JAKMIP3: variants seen among roughly 807,000 people sequenced by gnomAD.
The protein encoded by JAKMIP3 is Janus kinase and microtubule interacting protein 3.
Under a neutral mutation model 118.5 loss-of-function variants are expected in JAKMIP3, and 58 were observed. That is an observed-to-expected ratio of 0.49 (90% CI 0.40 to 0.61). JAKMIP3 has a LOEUF of 0.61. JAKMIP3 is among the 20% of genes least tolerant of loss of function. JAKMIP3 has a pLI of 0.00. For missense variants in JAKMIP3, 950 were observed against 1,109.0 expected, an observed-to-expected ratio of 0.86 and a Z score of 2.04; for synonymous variants, 486 against 451.2, an observed-to-expected ratio of 1.08 and a Z score of -0.98.
At chr10:132,164,259 G>C (rs1236559637) in intron 20 of JAKMIP3, among the ~76,000 whole-genome samples, 2 of 152,214 alleles carry the variant, frequency 1.3e-5, no homozygotes, top group Non-Finnish European at 2.9e-5. Context: ...TTGGAGCTCG[G>C]ATGCTTGGGG....
intron 1 of JAKMIP3, among the ~76,000 whole-genome samples, chr10:132,040,887 T>C (rs1003673762): frequency 4.6e-5 from 7 of 152,154 alleles, no homozygotes; most frequent in African/African-American, 1.7e-4. Context: ...TCTTTATTGT[T>C]GTGATTTGAC....
intron 1 of JAKMIP3, among the ~76,000 whole-genome samples, chr10:132,098,159 C>T (rs148746438): frequency 0.029 from 4,349 of 151,798 alleles, 106 homozygotes; most frequent in South Asian, 0.13. Flanking sequence ...CCTCAGCCTC[C>T]CAGGGAGCTG....
At chr10:132,143,527 A>C (rs2053995150) in intron 11 of JAKMIP3, among the ~76,000 whole-genome samples, 1 of 149,420 alleles carries the variant, frequency 6.7e-6, no homozygotes, top group African/African-American at 2.4e-5. Context: ...TAGAGAGTAA[A>C]AATGTCCAAA....
intron 21 of JAKMIP3, among the ~76,000 whole-genome samples, chr10:132,166,758 C>T (rs11146223): frequency 1.9e-3 from 289 of 152,276 alleles, no homozygotes; most frequent in African/African-American, 6.4e-3. Flanking sequence ...CGCATCTGCC[C>T]GGTGCAGAGT....
Position 132,158,973 on chromosome 10 carries a change from G to A in JAKMIP3, c.2221-4236G>A, listed in dbSNP as rs1202887433. 9.0e-5 allele frequency among the ~76,000 whole-genome samples: 9 copies of A among 100,482 alleles called. 2 individuals carry two copies. The highest frequency in any genetic ancestry group is 2.1e-5 in the Non-Finnish European group (1 of 47,964). 65.9% of individuals were successfully genotyped at this position (100,482 alleles called of 152,430 possible). ...GGACCTCTCGCTGTGTGATGCTGGG[G>A]GGGATCTCTCGCTGTGTGATGCTGG... On this transcript the variant is annotated intron_variant, in intron 19 of 23. Transcript: ENST00000684848.
chr10:132,158,221 C>G (rs771191876), intron 19 of JAKMIP3, among the ~76,000 whole-genome samples: 2 of 152,114 alleles, frequency 1.3e-5, no homozygotes, highest in East Asian at 3.9e-4. Flanking sequence ...TCCACTGGGT[C>G]GGGAGAGTTG....
chr10:132,139,475 TGAGTGTGTGTGA>T (rs1373333476), intron 9 of JAKMIP3, among the ~76,000 whole-genome samples: 5 of 147,496 alleles, frequency 3.4e-5, no homozygotes, highest in Non-Finnish European at 7.6e-5. Context: ...TGTGTATGTG[TGAGTGTGTGTGA>T]GAGTATGTGA....
At chr10:132,108,946 T>TTATATACGCAAATGTATATATAAAG (rs1564907843) in intron 2 of JAKMIP3, among the ~76,000 whole-genome samples, 2 of 149,210 alleles carry the variant, frequency 1.3e-5, no homozygotes, top group African/African-American at 2.5e-5. Context: ...TATATATAAA[T>TTATATACGCAAATGTATATATAAAG]TATATACGCA....
At chr10:132,054,039 CAAAAAA>C (rs5789112) in intron 1 of JAKMIP3, among the ~76,000 whole-genome samples, 14,105 of 100,826 alleles carry the variant, frequency 0.14, 726 homozygotes, top group Middle Eastern at 0.23. Context: ...GACTCTGTCT[CAAAAAA>C]AAAAAAAAAA....
At chr10:132,086,950 T>G (rs1331172703) in intron 1 of JAKMIP3, among the ~76,000 whole-genome samples, 1 of 152,212 alleles carries the variant, frequency 6.6e-6, no homozygotes, top group Non-Finnish European at 1.5e-5. Flanking sequence ...TATTTTTGTT[T>G]TATAGGTCCT....
At chr10:132,070,099 C>T (rs1297626089) in intron 1 of JAKMIP3, among the ~76,000 whole-genome samples, 2 of 152,114 alleles carry the variant, frequency 1.3e-5, no homozygotes, top group Non-Finnish European at 2.9e-5. Context: ...AGTGTCTCCA[C>T]CTGATCTACC....
At chr10:132,169,277 G>T (rs949882935) in intron 23 of JAKMIP3, among the ~76,000 whole-genome samples, 2 of 152,138 alleles carry the variant, frequency 1.3e-5, no homozygotes, top group Non-Finnish European at 2.9e-5. Flanking sequence ...GGGACCTGGC[G>T]TCTGGCAGAG....
At chr10:132,181,851 C>A (rs1050514556) in intron 23 of JAKMIP3, among the ~76,000 whole-genome samples, 5 of 150,706 alleles carry the variant, frequency 3.3e-5, no homozygotes, top group African/African-American at 1.2e-4. Context: ...CGTGCCCTCG[C>A]TCCCGCCCCT....
chr10:132,152,904 T>TCACCCC lies in JAKMIP3; in HGVS notation c.2008-51_2008-46dup, dbSNP rs1240524779. ...TTCCCCATGCATCCATCACTCACCC[T>TCACCCC]CACCCCCAAAGGCACTGCTTCTGAC... On this transcript the variant is annotated intron_variant, in intron 16 of 23. Coordinates refer to ENST00000684848, the MANE Select transcript of JAKMIP3 (RefSeq NM_001323087.2). 3 of 1,423,260 alleles carry TCACCCC rather than the reference T, an allele frequency of 2.1e-6. No individual in the cohort carries two copies. In the African/African-American group the frequency reaches 4.2e-5, roughly 20 times the overall value. 88.2% of individuals were successfully genotyped at this position (1,423,260 alleles called of 1,614,324 possible). A position where few individuals can be genotyped will look rare whatever the true frequency, so the allele number is the denominator to read the frequency against.
chr10:132,180,274 G>T (rs963107029), intron 23 of JAKMIP3, among the ~76,000 whole-genome samples: 8 of 152,122 alleles, frequency 5.3e-5, no homozygotes, highest in African/African-American at 1.7e-4. Context: ...GGGTGCCAGA[G>T]CTTGCTTGGG....
At position 132,141,923 on chromosome 10, in the gene JAKMIP3, A is replaced by G. The variant is rs11592585; in HGVS notation, c.1477A>G (p.Met493Val). ...TGTGGCATCCGTGTCTCTCCAGGGC[A>G]TGGCCAAGGAGGAGACGGAGCTGAG... ...CTPDDDLEEGMAKEETELRFR... is the reference protein window; with the variant it reads ...CTPDDDLEEGVAKEETELRFR... The change falls in exon 11 of 24, where the codon ATG becomes GTG. Residue 493 changes from methionine to valine, a missense_variant. Physicochemically the swap from Met to Val is conservative, Grantham distance 21 (BLOSUM62 1). Coordinates refer to ENST00000684848, the MANE Select transcript of JAKMIP3 (RefSeq NM_001323087.2). The G allele has an allele frequency of 0.33, 526,151 of 1,591,428 alleles. 91,561 individuals carry two copies. Among genetic ancestry groups the G allele is most frequent in the Non-Finnish European group, 0.36 (424,932 of 1,169,422 alleles).
rs535335315 is a variant in JAKMIP3 at position 132,111,355 on chromosome 10, C to G, written c.136-5722C>G. On this transcript the variant is annotated intron_variant, in intron 2 of 23. Coordinates refer to ENST00000684848, the MANE Select transcript of JAKMIP3 (RefSeq NM_001323087.2). ...AAGTGGCCTTGGAGCAGAGACCCCC[C>G]CCATGAGCACAGCAAGGTCCCAGGG... Among the ~76,000 whole-genome samples, 3 of 151,622 alleles carry G rather than the reference C, an allele frequency of 2.0e-5. No homozygotes were observed. In the East Asian group the frequency reaches 5.8e-4, roughly 29 times the overall value.
chr10:132,171,756 G>A (rs1283211985), intron 23 of JAKMIP3, among the ~76,000 whole-genome samples: 1 of 150,754 alleles, frequency 6.6e-6, no homozygotes, highest in African/African-American at 2.4e-5. Flanking sequence ...CTGGGTTCAA[G>A]CAATTCTCCT....
At chr10:132,113,384 T>A (rs1472717761) in intron 2 of JAKMIP3, among the ~76,000 whole-genome samples, 1 of 152,238 alleles carries the variant, frequency 6.6e-6, no homozygotes, top group African/African-American at 2.4e-5. Context: ...GCCAGGCTTC[T>A]GTGACAGTGA....
Sources: allele counts gnomAD v4.1 joint callset (sites outside exome capture counted in the v4.1 genomes callset), GRCh38; gene constraint gnomAD v4.1.1; transcripts MANE v1.5; gene names NCBI Gene and HGNC (gene_info 2026-07-23, HGNC 2026-07-21).